Variants in RANBP17 observed in about 807,000 individuals in gnomAD.
The protein encoded by RANBP17 is ran-binding protein 17.
In RANBP17, 158 loss-of-function variants were observed where a neutral mutation model predicts 141.2. The observed-to-expected ratio is 1.12, with a 90% CI of 0.98 to 1.28. The LOEUF is 1.28. RANBP17 is among the 50% of genes most tolerant of loss of function. The pLI is 0.00. For synonymous variants in RANBP17, 430 were observed against 450.0 expected, an observed-to-expected ratio of 0.96 and a Z score of 0.56; for missense variants, 1,438 against 1,290.7, an observed-to-expected ratio of 1.11 and a Z score of -1.75.
At chr5:170,953,795 G>A (rs1775394515) in intron 13 of RANBP17, 93 bp downstream of exon 13, 1 of 788,620 alleles carries the variant, frequency 1.3e-6, no homozygotes, top group South Asian at 1.6e-5. Flanking sequence ...CATTTTGTAT[G>A]TGGCCTTTTG....
chr5:171,132,964 C>CAATCTCAGCTCACTGCAAGCTTGA (rs1340801104), intron 14 of RANBP17, among the ~76,000 whole-genome samples: 4 of 152,046 alleles, frequency 2.6e-5, no homozygotes, highest in African/African-American at 7.2e-5. Flanking sequence ...CAGCTCACTG[C>CAATCTCAGCTCACTGCAAGCTTGA]AACCTCCGCC....
intron 14 of RANBP17, among the ~76,000 whole-genome samples, chr5:171,072,179 C>T (rs1322988761): frequency 6.6e-6 from 1 of 152,054 alleles, no homozygotes; most frequent in African/African-American, 2.4e-5. Flanking sequence ...ATGATGTTGG[C>T]TTGGAAAATG....
intron 25 of RANBP17, among the ~76,000 whole-genome samples, chr5:171,269,645 G>A (rs2128024875): frequency 6.6e-6 from 1 of 152,234 alleles, no homozygotes; most frequent in South Asian, 2.1e-4. Flanking sequence ...ATTTTGTATT[G>A]GATTATTTTC....
intron 22 of RANBP17, among the ~76,000 whole-genome samples, chr5:171,236,409 G>A (rs993865379): frequency 6.6e-5 from 10 of 152,150 alleles, no homozygotes; most frequent in East Asian, 1.9e-4. Flanking sequence ...ATTTTGAGGC[G>A]TAGCAAATTG....
intron 14 of RANBP17, among the ~76,000 whole-genome samples, chr5:170,972,144 A>G (rs1455637177): frequency 2.0e-5 from 3 of 149,132 alleles, no homozygotes; most frequent in Non-Finnish European, 1.5e-5. Flanking sequence ...TTAACTTTAT[A>G]TAAAAGTATT....
chr5:171,180,571 G>A (rs149099499), intron 16 of RANBP17, among the ~76,000 whole-genome samples: 165 of 152,236 alleles, frequency 1.1e-3, no homozygotes, highest in Non-Finnish European at 1.8e-3. Context: ...TCTTAGAGAA[G>A]AATAAGATCA....
Position 171,205,504 on chromosome 5 carries a change from T to TG in RANBP17, c.2143-19dup. ...GCGCTAACGTGAAAATCAATTACTG[T>TG]GTCTCTTTCCCACTGACAGCGTATG... On this transcript the variant is annotated intron_variant, in intron 19 of 27. Transcript: ENST00000523189. The TG allele has an allele frequency of 1.9e-6, 3 of 1,605,372 alleles. No homozygotes were observed. Among genetic ancestry groups the TG allele is most frequent in the Non-Finnish European group, 2.6e-6 (3 of 1,172,218 alleles).
intron 14 of RANBP17, among the ~76,000 whole-genome samples, chr5:171,116,562 A>AT (rs1456163245): frequency 6.6e-6 from 1 of 152,152 alleles, no homozygotes; most frequent in Admixed American, 6.5e-5. Context: ...ACACATAATA[A>AT]TTGTGCATAT....
At chr5:171,069,928 G>A (rs1413949258) in intron 14 of RANBP17, among the ~76,000 whole-genome samples, 5 of 152,048 alleles carry the variant, frequency 3.3e-5, no homozygotes, top group African/African-American at 4.8e-5. Flanking sequence ...TTCTAAAAAC[G>A]GTCTGCCAAA....
chr5:171,231,857 C>T (rs1239611836), intron 22 of RANBP17, among the ~76,000 whole-genome samples: 1 of 152,058 alleles, frequency 6.6e-6, no homozygotes, highest in African/African-American at 2.4e-5. Flanking sequence ...TAGAGGACAG[C>T]TAACTACAGC....
intron 14 of RANBP17, among the ~76,000 whole-genome samples, chr5:171,014,170 T>C (rs1780271526): frequency 1.3e-5 from 2 of 152,060 alleles, no homozygotes; most frequent in Non-Finnish European, 2.9e-5. Flanking sequence ...AATGTTGGCA[T>C]GGTATATCTT....
intron 14 of RANBP17, among the ~76,000 whole-genome samples, chr5:171,090,497 T>G (rs1786166957): frequency 6.6e-6 from 1 of 152,156 alleles, no homozygotes; most frequent in South Asian, 2.1e-4. Context: ...GACAATGTGT[T>G]AGAAAAGAAT....
At chr5:171,183,947 G>C (rs1181019786) in intron 18 of RANBP17, among the ~76,000 whole-genome samples, 1 of 152,176 alleles carries the variant, frequency 6.6e-6, no homozygotes, top group African/African-American at 2.4e-5. Flanking sequence ...AAAAGGCAAA[G>C]TGTTACACTG....
rs1463087233 is a variant in RANBP17 at position 171,128,388 on chromosome 5, A to G, written c.1711-41742A>G. ...CCATTAGATGAAACTGGAGGTCATT[A>G]TATTAAGTCAAACAAGCAGGCACAG... is the stretch of plus-strand genomic sequence containing the variant. On this transcript the variant is annotated intron_variant, in intron 14 of 27. Transcript: ENST00000523189. 3.3e-5 allele frequency among the ~76,000 whole-genome samples: 5 copies of G among 152,182 alleles called. No homozygotes were observed. In the South Asian group the frequency reaches 8.3e-4, roughly 25 times the overall value.
chr5:170,966,959 A>T (rs1776611292), intron 13 of RANBP17, among the ~76,000 whole-genome samples: 2 of 152,216 alleles, frequency 1.3e-5, no homozygotes, highest in Admixed American at 6.5e-5. Flanking sequence ...TTCAAAGATA[A>T]TAAAATACCT....
At chr5:170,916,397 C>T (rs1771970456) in intron 8 of RANBP17, 68 bp from the exon 9 acceptor site, 4 of 1,140,710 alleles carry the variant, frequency 3.5e-6, no homozygotes, top group Non-Finnish European at 4.9e-6. Context: ...AATGTAAAGA[C>T]TAGTATTCCT....
At position 170,883,320 on chromosome 5, in the gene RANBP17, G is replaced by A. The variant is rs1768870584; in HGVS notation, c.256+1424G>A. ...GCAGTTTTGGGTTCACAGCAAAATT[G>A]AGCACAAAGTACAGAGGACTTCCGT... is the stretch of plus-strand genomic sequence containing the variant. On this transcript the variant is annotated intron_variant, in intron 3 of 27. Coordinates refer to ENST00000523189, the MANE Select transcript of RANBP17 (RefSeq NM_022897.5). Among the ~76,000 whole-genome samples, 3 of 152,244 alleles carry A rather than the reference G, an allele frequency of 2.0e-5. No individual in the cohort carries two copies. In the South Asian group the frequency reaches 6.2e-4, roughly 32 times the overall value.
chr5:170,982,602 A>T (rs141158438), intron 14 of RANBP17, among the ~76,000 whole-genome samples: 1 of 152,202 alleles, frequency 6.6e-6, no homozygotes, highest in Admixed American at 6.5e-5. Flanking sequence ...ATAAAACTGG[A>T]TAATAGGAGA....
intron 12 of RANBP17, among the ~76,000 whole-genome samples, chr5:170,934,449 C>T (rs902546319): frequency 2.0e-5 from 3 of 152,144 alleles, no homozygotes; most frequent in Non-Finnish European, 2.9e-5. Flanking sequence ...CATGTTTTTG[C>T]AGTGGCTGGT....
Sources: gnomAD v4.1 joint callset for allele counts (sites outside exome capture counted in the v4.1 genomes callset) on GRCh38, gnomAD v4.1.1 for gene constraint, MANE v1.5 for transcripts, NCBI Gene and HGNC (gene_info 2026-07-23, HGNC 2026-07-21) for gene names.